The following TANC2 variants were observed in gnomAD, a reference collection of about 807,000 sequenced individuals.
TANC2 encodes tetratricopeptide repeat, ankyrin repeat and coiled-coil containing 2, also known as protein TANC2.
Under a neutral mutation model 210.5 loss-of-function variants are expected in TANC2, and 26 were observed. That is an observed-to-expected ratio of 0.12 (90% CI 0.09 to 0.17). The LOEUF (loss-of-function observed/expected upper bound fraction) is 0.17. TANC2 is among the 10% of genes least tolerant of loss of function. The probability of loss-of-function intolerance (pLI) is 1.00; values close to 1 mark genes in which losing one functional copy is unlikely to be tolerated. For missense variants in TANC2, 2,129 were observed against 2,608.9 expected (o/e 0.82, Z 4.01); for synonymous variants, 931 against 967.1 (o/e 0.96, Z 0.69).
chr17:63,094,726 T>C (rs2037324327), intron 3 of TANC2, among the ~76,000 whole-genome samples: 1 of 152,178 alleles, frequency 6.6e-6, no homozygotes, highest in Non-Finnish European at 1.5e-5. Flanking sequence ...TCATAGTCAC[T>C]CCTAACATTT....
At chr17:63,237,866 A>C (rs1264414343) in exon 8 of TANC2, 1 of 1,556,454 alleles carries the variant, frequency 6.4e-7, no homozygotes, top group East Asian at 2.4e-5. Context: ...ATGCTGGGGA[A>C]AGCAGTAAAG....
intron 2 of TANC2, among the ~76,000 whole-genome samples, chr17:63,035,482 C>T (rs1164815377): frequency 2.0e-5 from 3 of 152,204 alleles, no homozygotes; most frequent in Non-Finnish European, 4.4e-5. Context: ...TGACTTCTTT[C>T]ACTTGGCATA....
chr17:63,422,008 T>C lies in TANC2; in HGVS notation c.*53T>C, dbSNP rs919180323. ...ATGTTTTCACTGCACATTTTCAGGC[T>C]TGGTTTCCACATTCGAGGTAGTTCT... is the stretch of plus-strand genomic sequence containing the variant. On this transcript the variant is annotated 3_prime_UTR_variant, in exon 28 of 28. Coordinates refer to ENST00000689528, the Ensembl canonical transcript of TANC2. 2.6e-6 allele frequency: 4 copies of C among 1,538,342 alleles called. No homozygotes were observed. In the African/African-American group the frequency reaches 5.5e-5, roughly 21 times the overall value.
intron 9 of TANC2, among the ~76,000 whole-genome samples, chr17:63,276,524 A>T (rs1411626062): frequency 6.6e-6 from 1 of 150,928 alleles, no homozygotes; most frequent in African/African-American, 2.4e-5. Flanking sequence ...TGTTCTCCAA[A>T]GATCTTTGTT....
rs575319610 is a variant in TANC2, at chr17:62,995,061, C to G, written c.-23-14476C>G. 2.0e-5 allele frequency among the ~76,000 whole-genome samples: 3 copies of G among 152,324 alleles called. No individual in the cohort carries two copies. In the East Asian group the frequency reaches 5.8e-4, roughly 29 times the overall value. On this transcript the variant is annotated intron_variant, in intron 1 of 27. Coordinates refer to ENST00000689528, the Ensembl canonical transcript of TANC2. ...CTGAAGAAGGATGAAACGGTTATCA[C>G]TTATTTCATTATTACGTCACTTTTA...
chr17:63,185,313 G>A (rs1336822325), intron 5 of TANC2, among the ~76,000 whole-genome samples: 1 of 150,868 alleles, frequency 6.6e-6, no homozygotes, highest in African/African-American at 2.4e-5. Context: ...GGCTAGTCTT[G>A]AACTTCTGAC....
At chr17:63,084,278 A>G (rs1316038521) in intron 3 of TANC2, among the ~76,000 whole-genome samples, 1 of 152,128 alleles carries the variant, frequency 6.6e-6, no homozygotes, top group Non-Finnish European at 1.5e-5. Flanking sequence ...AGAATTGCTT[A>G]TAATATTCCT....
At chr17:63,314,130 G>A (rs536717366) in intron 9 of TANC2, among the ~76,000 whole-genome samples, 10 of 152,312 alleles carry the variant, frequency 6.6e-5, no homozygotes, top group East Asian at 1.9e-4. Context: ...ATATCATCCC[G>A]ACTTTCGGAC....
At position 63,412,471 on chromosome 17, in the gene TANC2, C is replaced by T. The variant is rs1485130351; in HGVS notation, c.3899-209C>T. ...GCGCTGCCGTGAGCCTTTGCTTTCC[C>T]TTGCTCTGAATGTGCTTCAGACTCA... is the stretch of plus-strand genomic sequence containing the variant. On this transcript the variant is annotated intron_variant, in intron 23 of 27. Transcript: ENST00000689528. The surrounding 1 kb of genome is among the most constrained non-coding windows in gnomAD (Gnocchi z 4.2). Among the ~76,000 whole-genome samples, 1 of 152,202 alleles carries T rather than the reference C, an allele frequency of 6.6e-6. No homozygotes were observed. Among genetic ancestry groups the T allele is most frequent in the East Asian group, 1.9e-4 (1 of 5,200 alleles).
chr17:63,097,764 A>G (rs2037444048), intron 3 of TANC2, among the ~76,000 whole-genome samples: 1 of 152,138 alleles, frequency 6.6e-6, no homozygotes, highest in Non-Finnish European at 1.5e-5. Flanking sequence ...CTCTCTTGAT[A>G]GTATCCTTTG....
intron 2 of TANC2, among the ~76,000 whole-genome samples, chr17:63,055,121 T>C (rs914052370): frequency 4.6e-5 from 7 of 152,200 alleles, no homozygotes; most frequent in East Asian, 1.9e-4. Flanking sequence ...CTTGGACTTA[T>C]TTATTCACTT....
rs1423029728 is a variant in TANC2 at position 63,279,308 on chromosome 17, GTACCAGGTTTCATGC to G, written c.1159+11438_1159+11452del. On this transcript the variant is annotated intron_variant, in intron 9 of 27. Transcript: ENST00000689528. Reference sequence around the variant, plus strand: ...CTAGCATTTACTGAGCATTTACTATGTACCAGGTTTCATGCTAATAACTACATTATCATGACAGCC... The same window carrying G: ...CTAGCATTTACTGAGCATTTACTATGTAATAACTACATTATCATGACAGCC... 2.6e-5 allele frequency among the ~76,000 whole-genome samples: 4 copies of G among 152,228 alleles called. No individual in the cohort carries two copies. In the East Asian group the frequency reaches 7.7e-4, roughly 29 times the overall value.
rs1362980052 is a variant in TANC2, at chr17:63,318,037, C to A, written c.1442-920C>A. The stretch of plus-strand genomic sequence containing the variant: ...CACTGCCATCCTCCATGCCCACCCC[C>A]CTGCAGTTATCCAGAACTGTATCCA... On this transcript the variant is annotated intron_variant, in intron 10 of 27. Transcript: ENST00000689528. Among the ~76,000 whole-genome samples the A allele has an allele frequency of 2.0e-5, 3 of 152,172 alleles. 1 individual carries two copies. In the East Asian group the frequency reaches 5.8e-4, roughly 29 times the overall value.
At chr17:63,329,866 G>T (rs2045777498) in intron 11 of TANC2, among the ~76,000 whole-genome samples, 1 of 152,106 alleles carries the variant, frequency 6.6e-6, no homozygotes, top group African/African-American at 2.4e-5. Context: ...AAGAAGAACT[G>T]CACATCTCTC....
At chr17:62,993,464 C>T (rs2032967034) in intron 1 of TANC2, among the ~76,000 whole-genome samples, 1 of 152,190 alleles carries the variant, frequency 6.6e-6, no homozygotes, top group Non-Finnish European at 1.5e-5. Flanking sequence ...ACATGGATGT[C>T]TTTCCATTTA....
intron 9 of TANC2, among the ~76,000 whole-genome samples, chr17:63,309,763 A>G (rs2045053590): frequency 6.7e-6 from 1 of 149,088 alleles, no homozygotes; most frequent in Non-Finnish European, 1.5e-5. Flanking sequence ...ATCTATTGAA[A>G]AAATAAGAAT....
At chr17:63,069,303 C>G (rs2144616178) in intron 2 of TANC2, among the ~76,000 whole-genome samples, 1 of 152,148 alleles carries the variant, frequency 6.6e-6, no homozygotes, top group East Asian at 1.9e-4. Context: ...GGTAGGCAGT[C>G]CTGTGAATTC....
intron 7 of TANC2, among the ~76,000 whole-genome samples, chr17:63,221,266 A>T (rs560014756): frequency 1.1e-3 from 172 of 152,086 alleles, no homozygotes; most frequent in African/African-American, 4.0e-3. Context: ...CCCTGTCTCT[A>T]CTAAAAAAAA....
chr17:63,144,095 A>T (rs946495546), intron 4 of TANC2, among the ~76,000 whole-genome samples: 2 of 152,208 alleles, frequency 1.3e-5, no homozygotes, highest in African/African-American at 4.8e-5. Flanking sequence ...TATGGTATAT[A>T]TTCTAGTGGG....
Sources: allele counts gnomAD v4.1 joint callset (sites outside exome capture counted in the v4.1 genomes callset), GRCh38; gene constraint gnomAD v4.1.1; non-coding constraint Gnocchi (gnomAD v3.1); transcripts MANE v1.5; gene names NCBI Gene and HGNC (gene_info 2026-07-23, HGNC 2026-07-21).